TSPAN11: variants seen among roughly 807,000 people sequenced by gnomAD.
TSPAN11 encodes tetraspanin-11.
A neutral mutation model predicts 32.9 loss-of-function variants in TSPAN11; 29 were observed. The ratio of observed to expected loss-of-function variants is 0.88; its 90% CI spans 0.66 to 1.20. TSPAN11 has a LOEUF of 1.20. Ranked by LOEUF, TSPAN11 falls within the 50% of genes most tolerant of loss-of-function variation. TSPAN11 has a pLI of 0.00. For synonymous variants in TSPAN11, 140 were observed against 141.3 expected (o/e 0.99, Z 0.07); for missense variants, 283 against 329.1 (o/e 0.86, Z 1.08).
chr12:31,008,672 C>T, the TSPAN11 span, among the ~76,000 whole-genome samples: 1 of 152,208 alleles, frequency 6.6e-6, no homozygotes, highest in Non-Finnish European at 1.5e-5. Flanking sequence ...GGAGGCAGCC[C>T]GCTTTTCCGA....
chr12:30,986,075 G>C (rs1436628530), intron 7 of TSPAN11, among the ~76,000 whole-genome samples: 1 of 152,176 alleles, frequency 6.6e-6, no homozygotes, highest in African/African-American at 2.4e-5. Flanking sequence ...TTTGAGAAAG[G>C]GCTCATACCA....
At chr12:30,981,289 A>G (rs543995693) in intron 5 of TSPAN11, among the ~76,000 whole-genome samples, 1 of 152,320 alleles carries the variant, frequency 6.6e-6, no homozygotes, top group Admixed American at 6.5e-5. Context: ...CAGCACGTGG[A>G]TGTAAATGAC....
rs201615323 is a variant in TSPAN11 at position 30,954,018 on chromosome 12, C to T, written c.27C>T (p.Asp9=). 2.1e-4 allele frequency: 334 copies of T among 1,613,758 alleles called. 3 individuals carry two copies. The East Asian group carries it at 2.4e-3, about 12-fold the overall frequency. The change falls in exon 2 of 8, where the codon GAC becomes GAT. Residue 9 remains aspartate (D), a synonymous_variant. Coordinates refer to ENST00000546076, the MANE Select transcript of TSPAN11 (RefSeq NM_001370302.1). MAHYKTEQ[D]DWLIIYLKYL... is the part of the protein sequence containing the mutation. ...TGGCCCACTATAAGACTGAGCAGGACGACTGGCTGATCATCTACTTGAAGT... is the reference window on the plus strand; with the variant it reads ...TGGCCCACTATAAGACTGAGCAGGATGACTGGCTGATCATCTACTTGAAGT...
At chr12:31,013,590 AAAAACAAAACAAAAC>A in the TSPAN11 span, among the ~76,000 whole-genome samples, 1 of 147,228 alleles carries the variant, frequency 6.8e-6, no homozygotes, top group African/African-American at 2.5e-5. Context: ...TCCTGTCTCA[AAAAACAAAACAAAAC>A]AAAACAAAAC....
chr12:30,933,942 C>A (rs879418134), intron 1 of TSPAN11, among the ~76,000 whole-genome samples: 1 of 152,184 alleles, frequency 6.6e-6, no homozygotes, highest in Non-Finnish European at 1.5e-5. Flanking sequence ...CTACACACAG[C>A]AGTGAACACA....
At chr12:30,979,502 C>G in intron 4 of TSPAN11, 64 bp from the exon 5 acceptor site, 1 of 1,488,736 alleles carries the variant, frequency 6.7e-7, no homozygotes, top group Non-Finnish European at 9.3e-7. Flanking sequence ...TGGAAGTGGG[C>G]CCGGTGCCAG....
rs947018757 is a variant in TSPAN11 at position 30,975,578 on chromosome 12, G to A, written c.277-2983G>A. ...TGCCTCTGAACCAGCCTGTGCAGGG[G>A]TAGCATGTACTAATTTAGCCAGCCA... On this transcript the variant is annotated intron_variant, in intron 3 of 7. Coordinates refer to ENST00000546076, the MANE Select transcript of TSPAN11 (RefSeq NM_001370302.1). This position sits in a 1 kb window ranked among gnomAD's most constrained non-coding sequence, Gnocchi z 4.5. Among the ~76,000 whole-genome samples the A allele has an allele frequency of 3.9e-5, 6 of 152,112 alleles. No individual in the cohort carries two copies. The highest frequency in any genetic ancestry group is 9.7e-5 in the African/African-American group (4 of 41,424).
Position 30,926,793 on chromosome 12 carries a change from C to T in TSPAN11, c.-15C>T. The T allele has an allele frequency of 2.6e-6, 1 of 381,990 alleles. No individual in the cohort carries two copies. The highest frequency in any genetic ancestry group is 4.3e-6 in the Non-Finnish European group (1 of 232,760). The allele number at this position is 381,990 out of a possible 1,614,324, so 23.7% of individuals were successfully genotyped here. A position where few individuals can be genotyped will look rare whatever the true frequency, so the allele number is the denominator to read the frequency against. ...CCTTCGCCGCTTCCGGAGCCCCTGG[C>T]AGGGTAAGTGCAGAAGCGCGCCCGA... On this transcript the variant is annotated 5_prime_UTR_variant, in exon 1 of 8. Transcript: ENST00000546076.
At chr12:30,987,098 C>CTTTGT (rs1341868462) in intron 7 of TSPAN11, among the ~76,000 whole-genome samples, 2 of 152,194 alleles carry the variant, frequency 1.3e-5, no homozygotes, top group African/African-American at 4.8e-5. Context: ...TGCACTTGAG[C>CTTTGT]TTTGTTTTGT....
chr12:30,942,683 CCTGA>C (rs572613576), intron 1 of TSPAN11, among the ~76,000 whole-genome samples: 4 of 150,878 alleles, frequency 2.7e-5, no homozygotes, highest in Non-Finnish European at 5.9e-5. Context: ...GGAGCAGAGT[CCTGA>C]CTAAGACATG....
At chr12:30,980,774 CCA>C (rs1939074442) in intron 5 of TSPAN11, among the ~76,000 whole-genome samples, 1 of 152,248 alleles carries the variant, frequency 6.6e-6, no homozygotes, top group African/African-American at 2.4e-5. Flanking sequence ...AAGTGCACAC[CCA>C]CAGACACACT....
chr12:30,993,066 A>G lies in TSPAN11; in HGVS notation c.*1151A>G, dbSNP rs1033106153. The G allele has an allele frequency of 1.3e-5, 2 of 152,194 alleles. No homozygotes were observed. Among genetic ancestry groups the G allele is most frequent in the African/African-American group, 4.8e-5 (2 of 41,434 alleles). The allele number at this position is 152,194 out of a possible 1,614,324, so 9.4% of individuals were successfully genotyped here. A position where few individuals can be genotyped will look rare whatever the true frequency, so the allele number is the denominator to read the frequency against. On this transcript the variant is annotated 3_prime_UTR_variant, in exon 8 of 8. Transcript: ENST00000546076. ...GGAGAACAGAAAGAAAATCCTAGAA[A>G]ATACAGAGTATCCATGCTGGCAGCT...
intron 3 of TSPAN11, among the ~76,000 whole-genome samples, chr12:30,967,695 T>TGCACACACATGCATATGCAC (rs1411954627): frequency 1.0e-4 from 3 of 29,288 alleles, no homozygotes; most frequent in African/African-American, 2.8e-4. Context: ...TGCATATGCA[T>TGCACACACATGCATATGCAC]GCACACACAT....
At position 30,992,755 on chromosome 12, in the gene TSPAN11, G is replaced by T; in HGVS notation, c.*840G>T. 1 of 152,390 alleles carries T rather than the reference G, an allele frequency of 6.6e-6. No individual in the cohort carries two copies. 9.4% of individuals were successfully genotyped at this position (152,390 alleles called of 1,614,324 possible). On this transcript the variant is annotated 3_prime_UTR_variant, in exon 8 of 8. Transcript: ENST00000546076. ...ACCATCTTCAGCACCTAATGTTGAT[G>T]GGTGTCAAACATCTCCTGGAGTGGA...
At chr12:31,014,651 T>A in the TSPAN11 span, among the ~76,000 whole-genome samples, 1 of 152,244 alleles carries the variant, frequency 6.6e-6, no homozygotes, top group Non-Finnish European at 1.5e-5. Flanking sequence ...TGATACTTTG[T>A]CTTTATGTAA....
intron 1 of TSPAN11, among the ~76,000 whole-genome samples, chr12:30,931,102 C>G (rs1465176009): frequency 6.6e-6 from 1 of 152,112 alleles, no homozygotes; most frequent in African/African-American, 2.4e-5. Context: ...TGGGATAAAC[C>G]CCCCAGTGGT....
At chr12:31,006,900 C>T in the TSPAN11 span, among the ~76,000 whole-genome samples, 2 of 152,214 alleles carry the variant, frequency 1.3e-5, no homozygotes, top group Non-Finnish European at 2.9e-5. Flanking sequence ...GCAGACATCC[C>T]ATTTCTCTGG....
chr12:30,927,695 G>A (rs1453310262), intron 1 of TSPAN11, among the ~76,000 whole-genome samples: 1 of 152,124 alleles, frequency 6.6e-6, no homozygotes, highest in East Asian at 1.9e-4. Context: ...GGTGGTATTA[G>A]GCCAAAGTGG....
At position 30,975,944 on chromosome 12, in the gene TSPAN11, G is replaced by A. The variant is rs372886720; in HGVS notation, c.277-2617G>A. On this transcript the variant is annotated intron_variant, in intron 3 of 7. Coordinates refer to ENST00000546076, the MANE Select transcript of TSPAN11 (RefSeq NM_001370302.1). The surrounding 1 kb of genome is among the most constrained non-coding windows in gnomAD (Gnocchi z 4.5). ...GCAGGAGGGATCCGGCCTCAGCACC[G>A]TAGCTGAGGATGGTGGAGGGAAGTT... 7.9e-5 allele frequency among the ~76,000 whole-genome samples: 12 copies of A among 152,336 alleles called. No homozygotes were observed. Among genetic ancestry groups the A allele is most frequent in the Admixed American group, 2.6e-4 (4 of 15,306 alleles).
Sources: allele counts gnomAD v4.1 joint callset (sites outside exome capture counted in the v4.1 genomes callset), GRCh38; gene constraint gnomAD v4.1.1; non-coding constraint Gnocchi (gnomAD v3.1); transcripts MANE v1.5; gene names NCBI Gene and HGNC (gene_info 2026-07-23, HGNC 2026-07-21).